RBFOX3: variants seen among roughly 807,000 people sequenced by gnomAD.
The protein encoded by RBFOX3 is RNA binding fox-1 homolog 3.
In RBFOX3, 17 loss-of-function variants were observed where a neutral mutation model predicts 48.7. The ratio of observed to expected loss-of-function variants is 0.35; its 90% CI spans 0.24 to 0.52. The LOEUF (loss-of-function observed/expected upper bound fraction) is 0.52. Ranked by LOEUF, RBFOX3 falls within the 20% of genes least tolerant of loss-of-function variation. The pLI is 0.94. For synonymous variants in RBFOX3, 212 were observed against 209.5 expected (o/e 1.01, Z -0.10); for missense variants, 382 against 497.5 (o/e 0.77, Z 2.21).
intron 1 of RBFOX3, among the ~76,000 whole-genome samples, chr17:79,572,823 C>G (rs976539716): frequency 1.3e-5 from 2 of 152,168 alleles, no homozygotes; most frequent in Non-Finnish European, 2.9e-5. Flanking sequence ...GCTGCAGGGA[C>G]GCAGAGGCTG....
At chr17:79,531,067 C>A (rs1361913169) in intron 1 of RBFOX3, among the ~76,000 whole-genome samples, 1 of 152,268 alleles carries the variant, frequency 6.6e-6, no homozygotes, top group Non-Finnish European at 1.5e-5. Flanking sequence ...AGGGGCTCCT[C>A]CCCGCCAGGA....
At chr17:79,229,614 G>A (rs1600124766) in intron 4 of RBFOX3, among the ~76,000 whole-genome samples, 1 of 151,506 alleles carries the variant, frequency 6.6e-6, no homozygotes, top group Non-Finnish European at 1.5e-5. Flanking sequence ...CAGGAAGGGT[G>A]GAGTCCTCTG....
intron 2 of RBFOX3, among the ~76,000 whole-genome samples, chr17:79,414,639 A>G (rs1421083511): frequency 6.6e-6 from 1 of 152,200 alleles, no homozygotes; most frequent in Non-Finnish European, 1.5e-5. Context: ...ACTCAGAAAC[A>G]GTAAAGACAG....
intron 2 of RBFOX3, among the ~76,000 whole-genome samples, chr17:79,398,595 CA>C (rs903662891): frequency 6.6e-6 from 1 of 152,162 alleles, no homozygotes; most frequent in Non-Finnish European, 1.5e-5. Flanking sequence ...GGGTGGAGGC[CA>C]GGGGTGCTGC....
chr17:79,377,141 C>T (rs1331117750), intron 2 of RBFOX3, among the ~76,000 whole-genome samples: 1 of 152,198 alleles, frequency 6.6e-6, no homozygotes, highest in Non-Finnish European at 1.5e-5. Context: ...TGGGGCATGG[C>T]TCTGGCTTTC....
intron 2 of RBFOX3, among the ~76,000 whole-genome samples, chr17:79,314,477 A>G (rs555314244): frequency 6.6e-6 from 1 of 152,302 alleles, no homozygotes; most frequent in East Asian, 1.9e-4. Flanking sequence ...AAGATCGGCC[A>G]CTCACAGCCA....
At chr17:79,452,125 A>C (rs2073632301) in intron 2 of RBFOX3, among the ~76,000 whole-genome samples, 1 of 152,204 alleles carries the variant, frequency 6.6e-6, no homozygotes, top group Admixed American at 6.5e-5. Context: ...GCTGGAAGGC[A>C]TGGGGCAGAC....
At chr17:79,336,946 C>G (rs141645673) in intron 2 of RBFOX3, among the ~76,000 whole-genome samples, 224 of 152,036 alleles carry the variant, frequency 1.5e-3, no homozygotes, top group African/African-American at 5.2e-3. Context: ...ATGGTGAAAC[C>G]CTGTCTCTAC....
the RBFOX3 span, among the ~76,000 whole-genome samples, chr17:79,617,602 C>T: frequency 3.3e-5 from 5 of 152,192 alleles, no homozygotes; most frequent in African/African-American, 1.2e-4. Context: ...TCTTCTCTCC[C>T]GAGGTTGCAC....
At chr17:79,302,458 T>C (rs1441306445) in intron 3 of RBFOX3, among the ~76,000 whole-genome samples, 1 of 152,140 alleles carries the variant, frequency 6.6e-6, no homozygotes, top group East Asian at 1.9e-4. Context: ...GGCGGGTGGA[T>C]CACCTGAGGT....
At position 79,252,014 on chromosome 17, in the gene RBFOX3, G is replaced by A. The variant is rs2064036741; in HGVS notation, c.-73-16209C>T. The stretch of plus-strand genomic sequence containing the variant: ...CCTGGAGACCAGGTGGCCTGAGCCA[G>A]CCTTGTCTTTCTCCATCTCTCAGCA... On this transcript the variant is annotated intron_variant, in intron 3 of 14. Transcript: ENST00000693108. The surrounding 1 kb of genome is among the most constrained non-coding windows in gnomAD (Gnocchi z 4.0). Among the ~76,000 whole-genome samples, 1 of 152,196 alleles carries A rather than the reference G, an allele frequency of 6.6e-6. No homozygotes were observed. Among genetic ancestry groups the A allele is most frequent in the African/African-American group, 2.4e-5 (1 of 41,462 alleles).
chr17:79,138,052 C>A (rs1424213225), intron 4 of RBFOX3, among the ~76,000 whole-genome samples: 1 of 152,210 alleles, frequency 6.6e-6, no homozygotes, highest in Non-Finnish European at 1.5e-5. Context: ...CCGTCACACG[C>A]CAGGCACACA....
chr17:79,524,940 G>A (rs1300482760), intron 1 of RBFOX3, among the ~76,000 whole-genome samples: 2 of 152,166 alleles, frequency 1.3e-5, no homozygotes, highest in Admixed American at 6.5e-5. Context: ...CTGTCCCACC[G>A]AGTGCTTAAG....
intron 3 of RBFOX3, among the ~76,000 whole-genome samples, chr17:79,250,098 C>T (rs1055834128): frequency 8.5e-5 from 13 of 152,314 alleles, no homozygotes; most frequent in Middle Eastern, 3.4e-3. Context: ...GCCACAGCCG[C>T]GTCAGAAAGA....
chr17:79,602,103 CT>C (rs1383744021), intron 1 of RBFOX3: 1 of 152,242 alleles, frequency 6.6e-6, no homozygotes, highest in Non-Finnish European at 1.5e-5. Context: ...AATGTACCCG[CT>C]GGAAGACGGC....
At chr17:79,328,553 G>A (rs370056381) in intron 2 of RBFOX3, among the ~76,000 whole-genome samples, 142 of 152,290 alleles carry the variant, frequency 9.3e-4, no homozygotes, top group South Asian at 1.7e-3. Context: ...CGTGGCCACC[G>A]TTGCAAACAG....
intron 4 of RBFOX3, among the ~76,000 whole-genome samples, chr17:79,193,494 G>A (rs1309789698): frequency 6.6e-6 from 1 of 152,018 alleles, no homozygotes; most frequent in African/African-American, 2.4e-5. Flanking sequence ...TCTAAACCCA[G>A]CCCCATTGGA....
At chr17:79,191,761 G>A (rs2612771) in intron 4 of RBFOX3, among the ~76,000 whole-genome samples, 49,516 of 152,028 alleles carry the variant, frequency 0.33, 8,661 homozygotes, top group Middle Eastern at 0.47. Context: ...AGATGCAGAC[G>A]GTAACCTACA....
chr17:79,606,284 G>A (rs2093828326), intron 1 of RBFOX3, among the ~76,000 whole-genome samples: 2 of 152,210 alleles, frequency 1.3e-5, no homozygotes, highest in African/African-American at 4.8e-5. Flanking sequence ...TTTGCTTTGG[G>A]AGAAAACATA....
Sources: allele counts gnomAD v4.1 joint callset (sites outside exome capture counted in the v4.1 genomes callset), GRCh38; gene constraint gnomAD v4.1.1; non-coding constraint Gnocchi (gnomAD v3.1); transcripts MANE v1.5; gene names NCBI Gene and HGNC (gene_info 2026-07-23, HGNC 2026-07-21).